Variants in PEX5L observed in about 807,000 individuals in gnomAD.
The protein encoded by PEX5L is PEX5-related protein.
Under a neutral mutation model 84.0 loss-of-function variants are expected in PEX5L, and 30 were observed. The observed-to-expected ratio is 0.36, with a 90% CI of 0.27 to 0.48. PEX5L has a LOEUF of 0.48. Ranked by LOEUF, PEX5L falls within the 20% of genes least tolerant of loss-of-function variation. PEX5L has a pLI of 0.99. For synonymous variants in PEX5L, 270 were observed against 283.1 expected (o/e 0.95, Z 0.46); for missense variants, 533 against 754.6 (o/e 0.71, Z 3.44).
intron 2 of PEX5L, among the ~76,000 whole-genome samples, chr3:179,902,339 C>G (rs910806084): frequency 3.9e-5 from 6 of 152,178 alleles, no homozygotes; most frequent in African/African-American, 1.4e-4. Context: ...CTGCTGCCCT[C>G]TCTGACTGCC....
At chr3:179,931,592 T>C (rs1560772865) in intron 2 of PEX5L, among the ~76,000 whole-genome samples, 1 of 152,200 alleles carries the variant, frequency 6.6e-6, no homozygotes, top group Admixed American at 6.5e-5. Flanking sequence ...TGAAGCCGTA[T>C]GTTCTGATGT....
chr3:179,827,945 T>G (rs1731154503), intron 8 of PEX5L, among the ~76,000 whole-genome samples: 1 of 152,180 alleles, frequency 6.6e-6, no homozygotes, highest in East Asian at 1.9e-4. Flanking sequence ...AAGTCTAGTT[T>G]TAGCAAGAAT....
At chr3:179,879,461 T>C (rs148220782) in intron 5 of PEX5L, among the ~76,000 whole-genome samples, 89 of 152,332 alleles carry the variant, frequency 5.8e-4, no homozygotes, top group African/African-American at 1.6e-3. Context: ...TGTACTGTGG[T>C]TCCTAGGCAT....
At chr3:179,823,474 A>G (rs1339033895) in intron 8 of PEX5L, among the ~76,000 whole-genome samples, 1 of 152,226 alleles carries the variant, frequency 6.6e-6, no homozygotes, top group African/African-American at 2.4e-5. Context: ...AAGGCGCTGT[A>G]TAACTCTTTT....
intron 1 of PEX5L, among the ~76,000 whole-genome samples, chr3:179,995,764 G>A (rs2110395397): frequency 6.6e-6 from 1 of 152,274 alleles, no homozygotes; most frequent in South Asian, 2.1e-4. Flanking sequence ...TAAAAAAACA[G>A]ACACAAGCTC....
intron 7 of PEX5L, among the ~76,000 whole-genome samples, chr3:179,862,286 A>C (rs1374136818): frequency 6.6e-6 from 1 of 152,208 alleles, no homozygotes; most frequent in Non-Finnish European, 1.5e-5. Flanking sequence ...TAATTTAATC[A>C]TGTATTTTGC....
intron 8 of PEX5L, among the ~76,000 whole-genome samples, chr3:179,851,304 C>T (rs1741762332): frequency 6.6e-6 from 1 of 152,144 alleles, no homozygotes; most frequent in Non-Finnish European, 1.5e-5. Context: ...TGGTGAGGGC[C>T]TGGTCTTCAT....
At chr3:179,869,316 G>A (rs906922868) in intron 7 of PEX5L, among the ~76,000 whole-genome samples, 1 of 152,040 alleles carries the variant, frequency 6.6e-6, no homozygotes, top group African/African-American at 2.4e-5. Context: ...TGTGGAGAAG[G>A]GTAATTTTAT....
intron 1 of PEX5L, among the ~76,000 whole-genome samples, chr3:180,026,936 T>C (rs1315323501): frequency 6.6e-6 from 1 of 152,204 alleles, no homozygotes; most frequent in East Asian, 1.9e-4. Flanking sequence ...GAGAAGCCAA[T>C]ATGCACTTTT....
At chr3:179,999,262 G>T (rs1023830979) in intron 1 of PEX5L, among the ~76,000 whole-genome samples, 3 of 152,194 alleles carry the variant, frequency 2.0e-5, no homozygotes, top group African/African-American at 4.8e-5. Flanking sequence ...CCATGTGAGT[G>T]CTCACCAATG....
intron 9 of PEX5L, among the ~76,000 whole-genome samples, chr3:179,816,970 T>C (rs575909913): frequency 1.4e-4 from 22 of 152,210 alleles, no homozygotes; most frequent in South Asian, 8.3e-4. Context: ...GTTTCAACAG[T>C]TTCCCCTCAA....
chr3:179,930,529 A>T (rs1772785247), intron 2 of PEX5L, among the ~76,000 whole-genome samples: 2 of 152,174 alleles, frequency 1.3e-5, no homozygotes, highest in East Asian at 1.9e-4. Context: ...TTGCCTACCC[A>T]CAGAAGTCTC....
intron 2 of PEX5L, among the ~76,000 whole-genome samples, chr3:179,946,579 A>C (rs1009579908): frequency 1.3e-5 from 2 of 152,258 alleles, no homozygotes; most frequent in African/African-American, 4.8e-5. Context: ...CACAAAGCAC[A>C]TACAAATTCT....
At chr3:179,999,555 G>T (rs904993677) in intron 1 of PEX5L, among the ~76,000 whole-genome samples, 1 of 152,214 alleles carries the variant, frequency 6.6e-6, no homozygotes, top group Non-Finnish European at 1.5e-5. Context: ...TGATCAGCCA[G>T]CTACCTGGTG....
chr3:179,944,565 T>C (rs6801810), intron 2 of PEX5L, among the ~76,000 whole-genome samples: 82,614 of 152,086 alleles, frequency 0.54, 22,620 homozygotes, highest in East Asian at 0.67. Context: ...CCCATTCTCA[T>C]CCCTTCCTTT....
At chr3:179,933,952 A>G (rs1773854553) in intron 2 of PEX5L, among the ~76,000 whole-genome samples, 1 of 152,204 alleles carries the variant, frequency 6.6e-6, no homozygotes. Context: ...GCCTGATGGC[A>G]GAACACTTCT....
At chr3:179,810,426 G>C (rs1392417997) in intron 11 of PEX5L, among the ~76,000 whole-genome samples, 1 of 152,148 alleles carries the variant, frequency 6.6e-6, no homozygotes, top group Non-Finnish European at 1.5e-5. Flanking sequence ...TGTGTTTTCA[G>C]AACTACTGAT....
At chr3:179,805,146 CTTTTTTT>C (rs777171015) in intron 14 of PEX5L, among the ~76,000 whole-genome samples, 15 of 86,464 alleles carry the variant, frequency 1.7e-4, no homozygotes, top group African/African-American at 4.8e-4. Context: ...ACTCGATGGT[CTTTTTTT>C]TTTTTTTTTT....
At chr3:179,923,086 A>G (rs936959618) in intron 2 of PEX5L, among the ~76,000 whole-genome samples, 9 of 151,860 alleles carry the variant, frequency 5.9e-5, no homozygotes, top group South Asian at 2.1e-4. Flanking sequence ...TCAGGAGATC[A>G]AGACCATCCT....
Sources: allele counts gnomAD v4.1 joint callset (sites outside exome capture counted in the v4.1 genomes callset), GRCh38; gene constraint gnomAD v4.1.1; transcripts MANE v1.5; gene names NCBI Gene and HGNC (gene_info 2026-07-23, HGNC 2026-07-21).